The following MANBAL variants were observed in gnomAD, a reference collection of about 807,000 sequenced individuals.
The protein encoded by MANBAL is mannosidase beta like, also known as protein MANBAL.
In MANBAL, 1 loss-of-function variant was observed where a neutral mutation model predicts 6.4. The ratio of observed to expected loss-of-function variants is 0.16; its 90% confidence interval spans 0.06 to 0.74. MANBAL has a LOEUF of 0.74. Ranked by LOEUF, MANBAL falls within the 30% of genes least tolerant of loss-of-function variation. The pLI, the probability that MANBAL is intolerant of heterozygous loss-of-function variation, is 0.78. For synonymous variants in MANBAL, 47 were observed against 45.8 expected (o/e 1.03, Z -0.10); for missense variants, 100 against 107.8 (o/e 0.93, Z 0.32).
At chr20:37,314,541 G>C (rs2146835584) in intron 2 of MANBAL, among the ~76,000 whole-genome samples, 1 of 152,320 alleles carries the variant, frequency 6.6e-6, no homozygotes, top group East Asian at 1.9e-4. Flanking sequence ...GGCAGGCCTT[G>C]CAAATTTTGT....
intron 2 of MANBAL, among the ~76,000 whole-genome samples, chr20:37,313,583 G>A (rs539030470): frequency 3.0e-4 from 46 of 152,000 alleles, no homozygotes; most frequent in African/African-American, 1.1e-3. Flanking sequence ...GCGGGTGCCT[G>A]TAATTCTAGC....
chr20:37,301,135 CATAAATAA>C (rs200477783), intron 1 of MANBAL, 65 bp from the exon 2 acceptor site: 21 of 932,394 alleles, frequency 2.3e-5, no homozygotes, highest in Admixed American at 3.9e-5. Flanking sequence ...GACTCCATCT[CATAAATAA>C]ATAAATAAAT....
intron 2 of MANBAL, among the ~76,000 whole-genome samples, chr20:37,314,229 GTTA>G (rs1191962731): frequency 6.6e-6 from 1 of 152,110 alleles, no homozygotes; most frequent in Non-Finnish European, 1.5e-5. Context: ...AGAGGGTGAG[GTTA>G]CCGGGTCTCT....
chr20:37,292,818 C>T (rs1459651796), intron 1 of MANBAL, among the ~76,000 whole-genome samples: 1 of 152,162 alleles, frequency 6.6e-6, no homozygotes, highest in Non-Finnish European at 1.5e-5. Flanking sequence ...TATGTTTCTG[C>T]CCCAGTCCTA....
intron 2 of MANBAL, among the ~76,000 whole-genome samples, chr20:37,309,451 A>G (rs1011266055): frequency 3.3e-5 from 5 of 152,188 alleles, no homozygotes; most frequent in African/African-American, 1.2e-4. Flanking sequence ...CCCCCATGGG[A>G]TAGGGAAAGG....
chr20:37,315,420 A>C (rs2146837536), intron 2 of MANBAL, among the ~76,000 whole-genome samples: 1 of 152,070 alleles, frequency 6.6e-6, no homozygotes, highest in African/African-American at 2.4e-5. Flanking sequence ...CACTGAGCCT[A>C]TTCCAGATAC....
rs1370939273 is a variant in MANBAL at position 37,316,535 on chromosome 20, A to G, written c.*120A>G. The G allele has an allele frequency of 7.9e-6, 6 of 763,888 alleles. No individual in the cohort carries two copies. In the East Asian group the frequency reaches 1.7e-4, roughly 22 times the overall value. 47.3% of individuals were successfully genotyped at this position (763,888 alleles called of 1,614,324 possible). A position where few individuals can be genotyped will look rare whatever the true frequency, so the allele number is the denominator to read the frequency against. On this transcript the variant is annotated 3_prime_UTR_variant, in exon 3 of 3. Coordinates refer to ENST00000373606, the MANE Select transcript of MANBAL (RefSeq NM_001003897.2). ...GGGTCTGAGGAGGCTGTGACGCCCTATGACCGCAGAGATCTAGACAGTCGT... is the reference window on the plus strand; with the variant it reads ...GGGTCTGAGGAGGCTGTGACGCCCTGTGACCGCAGAGATCTAGACAGTCGT...
intron 2 of MANBAL, chr20:37,302,219 T>G (rs770406824): frequency 8.3e-5 from 129 of 1,550,038 alleles, no homozygotes; most frequent in Non-Finnish European, 1.1e-4. Context: ...AGGAATTGGC[T>G]ATTGCTTCTC....
rs560855798 is a variant in MANBAL, at chr20:37,312,791, A to G, written c.151-3517A>G. Among the ~76,000 whole-genome samples, 3 of 152,298 alleles carry G rather than the reference A, an allele frequency of 2.0e-5. No homozygotes were observed. In the East Asian group the frequency reaches 5.8e-4, roughly 29 times the overall value. On this transcript the variant is annotated intron_variant, in intron 2 of 2. Coordinates refer to ENST00000373606, the MANE Select transcript of MANBAL (RefSeq NM_001003897.2). ...CTCTCGAGTAGCTGGGAGGACAAGCATGTGCCACCACGCCCAGCTGTTGTT... is the reference window on the plus strand; with the variant it reads ...CTCTCGAGTAGCTGGGAGGACAAGCGTGTGCCACCACGCCCAGCTGTTGTT...
intron 1 of MANBAL, among the ~76,000 whole-genome samples, chr20:37,291,433 A>C (rs962202564): frequency 6.6e-6 from 1 of 152,068 alleles, no homozygotes; most frequent in African/African-American, 2.4e-5. Flanking sequence ...ATATCTCTTT[A>C]GGCTCATCAT....
intron 2 of MANBAL, among the ~76,000 whole-genome samples, chr20:37,312,293 T>C (rs1288171005): frequency 6.6e-6 from 1 of 152,172 alleles, no homozygotes; most frequent in Admixed American, 6.5e-5. Context: ...CATTGACAGA[T>C]AGGTTCTCAG....
At chr20:37,312,994 C>G (rs184756825) in intron 2 of MANBAL, among the ~76,000 whole-genome samples, 1 of 151,994 alleles carries the variant, frequency 6.6e-6, no homozygotes, top group East Asian at 2.0e-4. Context: ...GCTGTTCTTT[C>G]ATTTCATTCA....
intron 2 of MANBAL, among the ~76,000 whole-genome samples, chr20:37,306,243 G>A (rs554190578): frequency 2.4e-4 from 37 of 152,230 alleles, no homozygotes; most frequent in African/African-American, 8.7e-4. Context: ...TGGCTTTTTG[G>A]GTCAGAAGAT....
At chr20:37,306,817 G>A (rs898386972) in intron 2 of MANBAL, among the ~76,000 whole-genome samples, 7 of 152,168 alleles carry the variant, frequency 4.6e-5, no homozygotes, top group African/African-American at 1.7e-4. Context: ...TGTGAGCTGG[G>A]ATTAGAGAAT....
chr20:37,298,801 C>G (rs1214215033), intron 1 of MANBAL: 1 of 151,754 alleles, frequency 6.6e-6, no homozygotes, highest in Non-Finnish European at 1.5e-5. Context: ...GCAATCACGA[C>G]TCATTGGCTC....
chr20:37,315,284 G>A (rs1246878647), intron 2 of MANBAL, among the ~76,000 whole-genome samples: 3 of 152,258 alleles, frequency 2.0e-5, no homozygotes, highest in Admixed American at 2.0e-4. Context: ...TCTGTGGCCT[G>A]GACGAGGCCT....
At chr20:37,313,214 T>A (rs1461265459) in intron 2 of MANBAL, among the ~76,000 whole-genome samples, 1 of 151,222 alleles carries the variant, frequency 6.6e-6, no homozygotes, top group Admixed American at 6.6e-5. Flanking sequence ...CCGTCTCTAC[T>A]AAAAACATAA....
At chr20:37,290,292 G>T (rs555683537) in intron 1 of MANBAL, among the ~76,000 whole-genome samples, 9 of 152,300 alleles carry the variant, frequency 5.9e-5, no homozygotes, top group Middle Eastern at 3.4e-3. Context: ...ACCAGTTTCA[G>T]CCCACCGGCT....
intron 1 of MANBAL, among the ~76,000 whole-genome samples, chr20:37,290,114 C>G (rs1156661996): frequency 6.6e-6 from 1 of 152,246 alleles, no homozygotes; most frequent in East Asian, 1.9e-4. Flanking sequence ...GACATACACG[C>G]TTGTACTGCG....
Sources: allele counts gnomAD v4.1 joint callset (sites outside exome capture counted in the v4.1 genomes callset), GRCh38; gene constraint gnomAD v4.1.1; transcripts MANE v1.5; gene names NCBI Gene and HGNC (gene_info 2026-07-23, HGNC 2026-07-21).